The following POU6F2 variants were observed in gnomAD, a reference collection of about 807,000 sequenced individuals.
POU6F2 encodes the protein POU class 6 homeobox 2.
Under a neutral mutation model 71.3 loss-of-function variants are expected in POU6F2, and 31 were observed. The ratio of observed to expected loss-of-function variants is 0.43; its 90% CI spans 0.33 to 0.59. POU6F2 has a LOEUF of 0.59. Among genes scored for constraint, POU6F2 ranks in the 20% least tolerant of loss-of-function variants. POU6F2 has a pLI of 0.04. For synonymous variants in POU6F2, 347 were observed against 355.7 expected (o/e 0.98, Z 0.27); for missense variants, 783 against 856.8 (o/e 0.91, Z 1.07).
In POU6F2 at chr7:39,208,192, T is replaced by A. The variant is rs192154077; in HGVS notation, c.598+572T>A. On this transcript the variant is annotated intron_variant, in intron 4 of 9. Coordinates refer to ENST00000518318, the MANE Select transcript of POU6F2 (RefSeq NM_001370959.1). ...TGAGCCTTTATACTACAGGGACATA[T>A]AACAAGTCAGACTCTAATTTTACTT... 4.1e-3 allele frequency among the ~76,000 whole-genome samples: 630 copies of A among 152,332 alleles called. 2 individuals carry two copies. The highest frequency in any genetic ancestry group is 6.7e-3 in the Non-Finnish European group (459 of 68,026).
intron 2 of POU6F2, among the ~76,000 whole-genome samples, chr7:39,170,194 G>T (rs1278426060): frequency 1.3e-5 from 2 of 152,024 alleles, no homozygotes; most frequent in Admixed American, 6.6e-5. Flanking sequence ...AAAAAAAATT[G>T]TATTCGTTGT....
At chr7:39,344,902 A>T (rs1040704033) in intron 5 of POU6F2, among the ~76,000 whole-genome samples, 1 of 152,170 alleles carries the variant, frequency 6.6e-6, no homozygotes, top group Middle Eastern at 3.2e-3. Context: ...CTCTACCTAC[A>T]CAGGGCTAAA....
chr7:39,036,062 G>T (rs541744283), intron 1 of POU6F2, among the ~76,000 whole-genome samples: 1 of 152,090 alleles, frequency 6.6e-6, no homozygotes, highest in African/African-American at 2.4e-5. Context: ...GAGGAGAGGC[G>T]TGCTGAGAAC....
At chr7:39,130,431 A>G (rs577781164) in intron 2 of POU6F2, among the ~76,000 whole-genome samples, 26 of 152,298 alleles carry the variant, frequency 1.7e-4, no homozygotes, top group African/African-American at 6.0e-4. Context: ...AGTACATGGA[A>G]CAGCATCATA....
chr7:39,122,746 G>T, intron 2 of POU6F2, among the ~76,000 whole-genome samples: 1 of 142,884 alleles, frequency 7.0e-6, no homozygotes, highest in African/African-American at 2.6e-5. Flanking sequence ...CTTACTCTGT[G>T]GTCCAGGCTG....
intron 1 of POU6F2, among the ~76,000 whole-genome samples, chr7:39,078,991 A>C (rs912571595): frequency 6.6e-6 from 1 of 152,136 alleles, no homozygotes; most frequent in African/African-American, 2.4e-5. Context: ...TGAGTCTTCA[A>C]CTTCAATGAT....
intron 2 of POU6F2, among the ~76,000 whole-genome samples, chr7:39,096,812 G>A (rs1791464030): frequency 6.6e-6 from 1 of 152,184 alleles, no homozygotes; most frequent in South Asian, 2.1e-4. Flanking sequence ...GTTTTAATGT[G>A]GCTATGTTTG....
chr7:39,186,107 C>A (rs528804792), intron 2 of POU6F2, among the ~76,000 whole-genome samples: 1 of 152,110 alleles, frequency 6.6e-6, no homozygotes, highest in Non-Finnish European at 1.5e-5. Context: ...TAGCATGTTG[C>A]AAAATACGTT....
chr7:39,442,464 A>G (rs1469846154), intron 7 of POU6F2, among the ~76,000 whole-genome samples: 2 of 152,168 alleles, frequency 1.3e-5, no homozygotes, highest in African/African-American at 2.4e-5. Flanking sequence ...TTCTCACTCA[A>G]AATCTAAATC....
chr7:39,223,067 GT>G (rs1336089516), intron 4 of POU6F2, among the ~76,000 whole-genome samples: 1 of 152,120 alleles, frequency 6.6e-6, no homozygotes, highest in Non-Finnish European at 1.5e-5. Context: ...ATTTTCTGAA[GT>G]TTTTTGGTTT....
At chr7:39,080,380 T>C (rs1353916104) in intron 1 of POU6F2, among the ~76,000 whole-genome samples, 2 of 152,210 alleles carry the variant, frequency 1.3e-5, no homozygotes, top group Non-Finnish European at 2.9e-5. Flanking sequence ...TCTTTTTGAT[T>C]TCAATTTTTA....
intron 4 of POU6F2, among the ~76,000 whole-genome samples, chr7:39,276,348 A>G (rs1784438351): frequency 6.6e-6 from 1 of 152,226 alleles, no homozygotes; most frequent in Non-Finnish European, 1.5e-5. Context: ...AAAACCACAA[A>G]GAGATATCAT....
intron 1 of POU6F2, among the ~76,000 whole-genome samples, chr7:39,001,456 T>TA (rs1245996206): frequency 6.6e-6 from 1 of 151,970 alleles, no homozygotes; most frequent in Non-Finnish European, 1.5e-5. Flanking sequence ...GAGAAACAAG[T>TA]AAAAAATAAA....
intron 7 of POU6F2, among the ~76,000 whole-genome samples, chr7:39,438,533 C>T (rs553728370): frequency 2.6e-5 from 4 of 152,238 alleles, no homozygotes; most frequent in South Asian, 4.1e-4. Flanking sequence ...GTTAGAATGG[C>T]GATCATTAAA....
chr7:39,340,016 G>A lies in POU6F2; in HGVS notation c.972+1G>A. On this transcript the variant is annotated splice_donor_variant, in intron 5 of 9. Coordinates refer to ENST00000518318, the MANE Select transcript of POU6F2 (RefSeq NM_001370959.1). LOFTEE classifies it high-confidence loss of function. ...GCTCACGCCACCCAATCCTCTACAG[G>A]TATGCTCCCCGTGCTTCCCGTCTGC... 6.3e-7 allele frequency: 1 copy of A among 1,599,068 alleles called. No individual in the cohort carries two copies. Among genetic ancestry groups the A allele is most frequent in the Non-Finnish European group, 8.6e-7 (1 of 1,168,918 alleles).
At chr7:39,082,938 A>G (rs1315665183) in intron 1 of POU6F2, among the ~76,000 whole-genome samples, 1 of 152,166 alleles carries the variant, frequency 6.6e-6, no homozygotes, top group African/African-American at 2.4e-5. Flanking sequence ...TGGATTTTCA[A>G]AGCTCAAGTT....
chr7:39,081,618 G>C (rs1273039336), intron 1 of POU6F2, among the ~76,000 whole-genome samples: 1 of 152,210 alleles, frequency 6.6e-6, no homozygotes, highest in Non-Finnish European at 1.5e-5. Flanking sequence ...GCAAGCCTGG[G>C]TATTGAACAC....
At chr7:39,006,324 T>C (rs780659381) in intron 1 of POU6F2, among the ~76,000 whole-genome samples, 8 of 151,848 alleles carry the variant, frequency 5.3e-5, no homozygotes, top group South Asian at 2.1e-4. Flanking sequence ...ATTAGCCAGG[T>C]GTGGTGGCAC....
At chr7:39,321,194 A>G (rs532933614) in intron 4 of POU6F2, among the ~76,000 whole-genome samples, 1 of 152,344 alleles carries the variant, frequency 6.6e-6, no homozygotes, top group Non-Finnish European at 1.5e-5. Context: ...TACTGAAACC[A>G]AGGAAAGAAA....
Sources: gnomAD v4.1 joint callset for allele counts (sites outside exome capture counted in the v4.1 genomes callset) on GRCh38, gnomAD v4.1.1 for gene constraint, MANE v1.5 for transcripts, NCBI Gene and HGNC (gene_info 2026-07-23, HGNC 2026-07-21) for gene names.